The following MARCHF1 variants were observed in gnomAD, a reference collection of about 807,000 sequenced individuals.
MARCHF1 encodes the protein membrane associated ring-CH-type finger 1, also known as E3 ubiquitin-protein ligase MARCHF1.
In MARCHF1, 40 loss-of-function variants were observed where a neutral mutation model predicts 54.2. The ratio of observed to expected loss-of-function variants is 0.74; its 90% CI spans 0.57 to 0.96. MARCHF1 has a LOEUF of 0.96. Ranked by LOEUF, MARCHF1 falls within the 40% of genes least tolerant of loss-of-function variation. The pLI, the probability that MARCHF1 is intolerant of heterozygous loss-of-function variation, is 0.00. For synonymous variants in MARCHF1, 236 were observed against 236.3 expected (o/e 1.00, Z 0.01); for missense variants, 586 against 656.5 (o/e 0.89, Z 1.17).
intron 4 of MARCHF1, among the ~76,000 whole-genome samples, chr4:163,779,946 A>G (rs946835365): frequency 5.9e-5 from 9 of 152,210 alleles, no homozygotes; most frequent in African/African-American, 2.2e-4. Flanking sequence ...CTGTGAAAGC[A>G]GTGCAGCTGA....
At chr4:164,125,219 TA>T (rs1318754561) in intron 1 of MARCHF1, among the ~76,000 whole-genome samples, 3 of 151,926 alleles carry the variant, frequency 2.0e-5, no homozygotes, top group African/African-American at 7.3e-5. Context: ...ATTAGGTAAA[TA>T]TACTTATGGA....
intron 2 of MARCHF1, among the ~76,000 whole-genome samples, chr4:164,051,989 C>G (rs1462162395): frequency 2.6e-5 from 4 of 152,064 alleles, no homozygotes; most frequent in Admixed American, 2.6e-4. Flanking sequence ...AGATTTCAGA[C>G]ACTGAATTTA....
intron 3 of MARCHF1, among the ~76,000 whole-genome samples, chr4:163,945,033 A>G (rs1336382631): frequency 6.6e-6 from 1 of 152,200 alleles, no homozygotes; most frequent in African/African-American, 2.4e-5. Flanking sequence ...CAGATAAAAA[A>G]CAAACTGATA....
At chr4:163,554,137 C>A (rs1739205858) in intron 8 of MARCHF1, among the ~76,000 whole-genome samples, 1 of 152,164 alleles carries the variant, frequency 6.6e-6, no homozygotes, top group African/African-American at 2.4e-5. Context: ...AGGGAAAATG[C>A]AACTTATAAA....
intron 1 of MARCHF1, among the ~76,000 whole-genome samples, chr4:164,160,323 C>A (rs746564726): frequency 3.3e-5 from 5 of 152,074 alleles, no homozygotes; most frequent in Non-Finnish European, 7.4e-5. Context: ...AGGTTACAAA[C>A]CTGTATAGCA....
intron 1 of MARCHF1, among the ~76,000 whole-genome samples, chr4:164,320,871 C>G (rs1179217626): frequency 1.3e-5 from 2 of 152,100 alleles, no homozygotes; most frequent in Admixed American, 1.3e-4. Context: ...TCCGCTGTTC[C>G]CAGCTACCAT....
At chr4:164,044,644 G>A (rs993088590) in intron 2 of MARCHF1, among the ~76,000 whole-genome samples, 6 of 152,094 alleles carry the variant, frequency 3.9e-5, no homozygotes, top group Admixed American at 3.9e-4. Flanking sequence ...ACTGGAATTA[G>A]TCCTAAGAAC....
At chr4:163,813,382 G>T (rs1459982909) in intron 4 of MARCHF1, among the ~76,000 whole-genome samples, 2 of 152,052 alleles carry the variant, frequency 1.3e-5, no homozygotes, top group Non-Finnish European at 2.9e-5. Context: ...ATCCTGGTTG[G>T]TTGTCTCTAA....
At chr4:164,285,151 T>C (rs956664909) in intron 1 of MARCHF1, among the ~76,000 whole-genome samples, 1 of 152,198 alleles carries the variant, frequency 6.6e-6, no homozygotes, top group Non-Finnish European at 1.5e-5. Context: ...GTGATCACTT[T>C]AGAACAATCA....
chr4:164,350,806 G>T (rs1314546167), intron 1 of MARCHF1, among the ~76,000 whole-genome samples: 1 of 152,114 alleles, frequency 6.6e-6, no homozygotes, highest in South Asian at 2.1e-4. Context: ...CTCCCAGCGT[G>T]AGCGACGCAG....
At chr4:163,666,959 C>A (rs1222995610) in intron 5 of MARCHF1, among the ~76,000 whole-genome samples, 1 of 151,928 alleles carries the variant, frequency 6.6e-6, no homozygotes, top group African/African-American at 2.4e-5. Context: ...TCTATCTATA[C>A]CCTGCTTTGT....
chr4:163,830,981 T>C (rs891580344), intron 4 of MARCHF1, among the ~76,000 whole-genome samples: 1 of 152,106 alleles, frequency 6.6e-6, no homozygotes, highest in African/African-American at 2.4e-5. Flanking sequence ...GTTTTGGTAG[T>C]ATTGGTGGGG....
intron 8 of MARCHF1, among the ~76,000 whole-genome samples, chr4:163,564,348 C>A (rs1442956002): frequency 6.6e-6 from 1 of 152,104 alleles, no homozygotes; most frequent in East Asian, 1.9e-4. Context: ...TGATAATTTG[C>A]ACTATTTTAT....
chr4:164,233,281 T>C (rs1280416840), intron 1 of MARCHF1, among the ~76,000 whole-genome samples: 6 of 152,180 alleles, frequency 3.9e-5, no homozygotes, highest in South Asian at 2.1e-4. Context: ...AAGTTACTGA[T>C]AATCAGACCC....
chr4:164,220,581 TATG>T (rs1235862687), intron 1 of MARCHF1, among the ~76,000 whole-genome samples: 1 of 141,162 alleles, frequency 7.1e-6, no homozygotes, highest in Non-Finnish European at 1.5e-5. Context: ...ATGTAATACA[TATG>T]ATATATGTAT....
At chr4:164,256,710 T>C (rs1733297482) in intron 1 of MARCHF1, among the ~76,000 whole-genome samples, 1 of 152,178 alleles carries the variant, frequency 6.6e-6, no homozygotes, top group Admixed American at 6.5e-5. Flanking sequence ...AGCTTAAGAA[T>C]GTGTACAAGA....
chr4:164,064,369 A>T (rs1018591309), intron 2 of MARCHF1, among the ~76,000 whole-genome samples: 2 of 151,876 alleles, frequency 1.3e-5, no homozygotes, highest in African/African-American at 4.8e-5. Flanking sequence ...CCTTGTAGAG[A>T]TCCTTCACCT....
In MARCHF1 at chr4:163,612,807, A is replaced by G. The variant is rs1417996069; in HGVS notation, c.474T>C (p.Asp158=). Residue 158 remains aspartate (D), a synonymous_variant, in exon 7 of 10, where the codon GAT becomes GAC. Coordinates refer to ENST00000514618, the MANE Select transcript of MARCHF1 (RefSeq NM_001394959.1). The part of the protein sequence containing the change: ...SSPRWRELYT[D]SSDSSSTDES... ...CATCTGTGGAAGATGAATCTGAAGA[A>G]TCTGTGTAAAGCTCCCTCCACCTGG... 1.3e-6 allele frequency: 2 copies of G among 1,535,250 alleles called. No individual in the cohort carries two copies. Among genetic ancestry groups the G allele is most frequent in the South Asian group, 2.4e-5 (2 of 84,014 alleles).
intron 3 of MARCHF1, among the ~76,000 whole-genome samples, chr4:163,913,094 G>A (rs984301349): frequency 1.3e-5 from 2 of 152,156 alleles, no homozygotes; most frequent in African/African-American, 2.4e-5. Context: ...GACATTCAAA[G>A]TGTAAGGCCT....
Sources: allele counts gnomAD v4.1 joint callset (sites outside exome capture counted in the v4.1 genomes callset), GRCh38; gene constraint gnomAD v4.1.1; transcripts MANE v1.5; gene names NCBI Gene and HGNC (gene_info 2026-07-23, HGNC 2026-07-21).